PRDM16: variants seen among roughly 807,000 people sequenced by gnomAD.
PRDM16 encodes histone-lysine N-methyltransferase PRDM16.
A neutral mutation model predicts 110.6 loss-of-function variants in PRDM16; 23 were observed. That is an observed-to-expected ratio of 0.21 (90% confidence interval 0.15 to 0.29). The LOEUF (loss-of-function observed/expected upper bound fraction) is 0.29, where lower values mean the gene tolerates loss of function less well. Among genes scored for constraint, PRDM16 ranks in the 10% least tolerant of loss-of-function variants. PRDM16 has a pLI of 1.00. For synonymous variants in PRDM16, 799 were observed against 781.8 expected (o/e 1.02, Z -0.37); for missense variants, 1,615 against 1,794.3 (o/e 0.90, Z 1.81).
chr1:3,122,962 T>C (rs1286206881), intron 1 of PRDM16, among the ~76,000 whole-genome samples: 3 of 152,088 alleles, frequency 2.0e-5, no homozygotes, highest in Admixed American at 6.6e-5. Context: ...GGGGGACGGC[T>C]CAGGGGGTCT....
chr1:3,086,691 G>A (rs1260842529), intron 1 of PRDM16, among the ~76,000 whole-genome samples: 1 of 152,296 alleles, frequency 6.6e-6, no homozygotes, highest in East Asian at 1.9e-4. Context: ...GTTTTTGGGT[G>A]GAGATTTTCC....
intron 1 of PRDM16, among the ~76,000 whole-genome samples, chr1:3,180,640 G>A (rs146841181): frequency 6.5e-4 from 99 of 151,736 alleles, no homozygotes; most frequent in African/African-American, 2.0e-3. Context: ...GCAGCCGAGC[G>A]CCATTCGCTG....
chr1:3,134,751 A>G (rs1643402284), intron 1 of PRDM16, among the ~76,000 whole-genome samples: 1 of 152,264 alleles, frequency 6.6e-6, no homozygotes, highest in Non-Finnish European at 1.5e-5. Flanking sequence ...TTTCTTTTCC[A>G]AGACATTAGC....
intron 6 of PRDM16, 27 bp downstream of exon 6, chr1:3,403,025 T>A: frequency 6.4e-7 from 1 of 1,559,794 alleles, no homozygotes. Flanking sequence ...TGAGTCTTCC[T>A]CCCCTTCCCG....
chr1:3,419,218 C>T (rs536684889), intron 12 of PRDM16, among the ~76,000 whole-genome samples: 13 of 152,308 alleles, frequency 8.5e-5, no homozygotes, highest in African/African-American at 3.1e-4. Flanking sequence ...CGTGCAAATG[C>T]GGGTCCCCAC....
intron 3 of PRDM16, among the ~76,000 whole-genome samples, chr1:3,254,711 C>T (rs1021170056): frequency 8.6e-5 from 13 of 150,904 alleles, no homozygotes; most frequent in Non-Finnish European, 1.6e-4. Context: ...GAATCAATAT[C>T]GTGAAAATGG....
At chr1:3,212,533 T>C (rs553457963) in intron 2 of PRDM16, among the ~76,000 whole-genome samples, 2 of 151,046 alleles carry the variant, frequency 1.3e-5, no homozygotes, top group South Asian at 4.2e-4. Flanking sequence ...TGGGCGCCTC[T>C]CAGAGGTCCT....
intron 16 of PRDM16, 87 bp downstream of exon 16, chr1:3,432,227 C>A: frequency 7.8e-7 from 1 of 1,277,716 alleles, no homozygotes; most frequent in Non-Finnish European, 1.1e-6. Flanking sequence ...CGTGGCCCTC[C>A]TAGGCCTGAG....
intron 1 of PRDM16, among the ~76,000 whole-genome samples, chr1:3,171,035 G>T (rs1272763198): frequency 6.6e-6 from 1 of 152,222 alleles, no homozygotes; most frequent in Admixed American, 6.5e-5. Flanking sequence ...GGCTGGGATA[G>T]GGGCACCCCT....
rs1272337401 is a variant in PRDM16, at chr1:3,412,198, C to G, written c.2001C>G (p.Val667=). ...CGAACAGCGTGGCCGAGGTGCCTGT[C>G]TTCTATTCCCAGCACTCATTCTTCC... is the stretch of plus-strand genomic sequence containing the variant. ...GAPNSVAEVP[V]FYSQHSFFPP... is the part of the protein sequence containing the mutation. The change falls in exon 9 of 17, where the codon GTC becomes GTG. Residue 667 remains valine (V), a synonymous_variant. Coordinates refer to ENST00000270722, the MANE Select transcript of PRDM16 (RefSeq NM_022114.4). 2 of 1,601,052 alleles carry G rather than the reference C, an allele frequency of 1.2e-6. No homozygotes were observed. The highest frequency in any genetic ancestry group is 1.1e-5 in the South Asian group (1 of 90,462).
intron 3 of PRDM16, among the ~76,000 whole-genome samples, chr1:3,348,834 C>T (rs1286083952): frequency 2.0e-5 from 3 of 152,230 alleles, no homozygotes; most frequent in Non-Finnish European, 4.4e-5. Context: ...GAGCTTCCCG[C>T]ATCTGCAGTG....
chr1:3,199,197 G>A (rs143673178), intron 2 of PRDM16, among the ~76,000 whole-genome samples: 82 of 152,324 alleles, frequency 5.4e-4, no homozygotes, highest in African/African-American at 1.9e-3. Flanking sequence ...GATCCTCGGG[G>A]ACAGAAGCTG....
In PRDM16 at chr1:3,136,924, G is replaced by A. The variant is rs557043949; in HGVS notation, c.38-49201G>A. Reference sequence around the variant, plus strand: ...GCTGGAACTTGGAGTTATAAACAGTGGACGCTTCTCCTGCTGCCCCTGGCT... The same window carrying A: ...GCTGGAACTTGGAGTTATAAACAGTAGACGCTTCTCCTGCTGCCCCTGGCT... On this transcript the variant is annotated intron_variant, in intron 1 of 16. Transcript: ENST00000270722. Among the ~76,000 whole-genome samples, 6 of 152,306 alleles carry A rather than the reference G, an allele frequency of 3.9e-5. 1 individual carries two copies. Among genetic ancestry groups the A allele is most frequent in the Non-Finnish European group, 7.4e-5 (5 of 68,024 alleles).
At chr1:3,322,628 G>A (rs1194437815) in intron 3 of PRDM16, among the ~76,000 whole-genome samples, 6 of 152,176 alleles carry the variant, frequency 3.9e-5, no homozygotes, top group Non-Finnish European at 7.4e-5. Context: ...TGTGGTGTAG[G>A]CCAGTGCCTG....
In PRDM16 at chr1:3,346,988, A is replaced by G. The variant is rs1174138140; in HGVS notation, c.439-38164A>G. Reference sequence around the variant, plus strand: ...AGTGTCAGGGCTGGCTTTGCAACCTAATCCTCTCCAGAAGTGCGCAGCACT... The same window carrying G: ...AGTGTCAGGGCTGGCTTTGCAACCTGATCCTCTCCAGAAGTGCGCAGCACT... On this transcript the variant is annotated intron_variant, in intron 3 of 16. Transcript: ENST00000270722. Among the ~76,000 whole-genome samples the G allele has an allele frequency of 2.0e-5, 3 of 152,148 alleles. No individual in the cohort carries two copies. In the East Asian group the frequency reaches 5.8e-4, roughly 29 times the overall value.
chr1:3,131,807 C>G (rs2993504), intron 1 of PRDM16, among the ~76,000 whole-genome samples: 2 of 152,078 alleles, frequency 1.3e-5, no homozygotes, highest in Non-Finnish European at 2.9e-5. Context: ...CCTGCAGTGA[C>G]GCTGCCCTGG....
rs35843880 is a variant in PRDM16, at chr1:3,417,663, G to GA, written c.2692-159dup. On this transcript the variant is annotated intron_variant, in intron 10 of 16. Coordinates refer to ENST00000270722, the MANE Select transcript of PRDM16 (RefSeq NM_022114.4). ...AGAGCAGGGCTGACTACAGAAAGGT[G>GA]AAAAAATCCAACCCAGGGTCCAAGA... is the stretch of plus-strand genomic sequence containing the variant. Among the ~76,000 whole-genome samples the GA allele has an allele frequency of 9.1e-3, 1,382 of 152,296 alleles. 14 individuals carry two copies. Among genetic ancestry groups the GA allele is most frequent in the Admixed American group, 0.026 (399 of 15,312 alleles).
At chr1:3,228,941 A>G (rs1639349749) in intron 2 of PRDM16, among the ~76,000 whole-genome samples, 1 of 152,232 alleles carries the variant, frequency 6.6e-6, no homozygotes, top group African/African-American at 2.4e-5. Flanking sequence ...CCTTGGGAAG[A>G]GCAAATAAAT....
At chr1:3,305,832 C>G (rs1469074717) in intron 3 of PRDM16, among the ~76,000 whole-genome samples, 1 of 152,238 alleles carries the variant, frequency 6.6e-6, no homozygotes, top group Non-Finnish European at 1.5e-5. Flanking sequence ...AGAAGGGAAC[C>G]CTTCCGGGTG....
Sources: gnomAD v4.1 joint callset for allele counts (sites outside exome capture counted in the v4.1 genomes callset) on GRCh38, gnomAD v4.1.1 for gene constraint, MANE v1.5 for transcripts, NCBI Gene and HGNC (gene_info 2026-07-23, HGNC 2026-07-21) for gene names.